PDE1C: variants seen among roughly 807,000 people sequenced by gnomAD.
PDE1C encodes the protein phosphodiesterase 1C.
In PDE1C, 62 loss-of-function variants were observed where a neutral mutation model predicts 93.1. The ratio of observed to expected loss-of-function variants is 0.67; its 90% CI spans 0.54 to 0.82. The LOEUF (loss-of-function observed/expected upper bound fraction) is 0.82. Ranked by LOEUF, PDE1C falls within the 40% of genes least tolerant of loss-of-function variation. The pLI, the probability that PDE1C is intolerant of heterozygous loss-of-function variation, is 0.00. For missense variants in PDE1C, 742 were observed against 884.6 expected (o/e 0.84, Z 2.04); for synonymous variants, 325 against 310.1 (o/e 1.05, Z -0.50).
chr7:31,667,195 A>G, the PDE1C span, among the ~76,000 whole-genome samples: 1 of 152,176 alleles, frequency 6.6e-6, no homozygotes. Context: ...CTACCCGCCT[A>G]TAGCTTTTGG....
chr7:32,013,446 G>A (rs1224776648), intron 2 of PDE1C, among the ~76,000 whole-genome samples: 1 of 152,162 alleles, frequency 6.6e-6, no homozygotes, highest in Non-Finnish European at 1.5e-5. Context: ...AAGGAGACAG[G>A]GTTATTTATA....
chr7:32,370,158 C>T (rs565011777), intron 1 of PDE1C, among the ~76,000 whole-genome samples: 9 of 152,128 alleles, frequency 5.9e-5, no homozygotes, highest in East Asian at 3.9e-4. Context: ...CCATAAAAAA[C>T]GATGAGTTCT....
At chr7:32,385,657 T>C (rs866419070) in intron 1 of PDE1C, among the ~76,000 whole-genome samples, 4 of 152,142 alleles carry the variant, frequency 2.6e-5, no homozygotes, top group African/African-American at 7.2e-5. Flanking sequence ...GAGGACATTA[T>C]GGAAAGTGCC....
intron 2 of PDE1C, among the ~76,000 whole-genome samples, chr7:32,200,044 A>G (rs550071312): frequency 6.6e-6 from 1 of 152,328 alleles, no homozygotes; most frequent in East Asian, 1.9e-4. Flanking sequence ...CCCATTACGC[A>G]TACACAAATA....
intron 2 of PDE1C, among the ~76,000 whole-genome samples, chr7:31,939,125 T>C (rs1054056140): frequency 1.3e-5 from 2 of 152,158 alleles, no homozygotes; most frequent in Non-Finnish European, 2.9e-5. Flanking sequence ...CAAAACTAGG[T>C]GGTTGGTCTA....
At chr7:32,112,944 C>A (rs1798755617) in intron 3 of PDE1C, among the ~76,000 whole-genome samples, 1 of 147,414 alleles carries the variant, frequency 6.8e-6, no homozygotes. Context: ...AGACATACTC[C>A]TCCTCTTCCC....
chr7:32,311,923 G>A lies in PDE1C; in HGVS notation c.311-102384C>T, dbSNP rs1048643897. ...TGGCCAGGGCAATTAGGCAGGAGAA[G>A]GAAATAAAGGGTATTCAATTAGGAA... On this transcript the variant is annotated intron_variant, in intron 1 of 1. Coordinates refer to the PDE1C transcript ENST00000672256. Among the ~76,000 whole-genome samples, 92 of 151,846 alleles carry A rather than the reference G, an allele frequency of 6.1e-4. 2 individuals are homozygous for A. Among genetic ancestry groups the A allele is most frequent in the Non-Finnish European group, 5.4e-4 (37 of 67,926 alleles).
chr7:32,241,024 G>A (rs962574227), intron 1 of PDE1C, among the ~76,000 whole-genome samples: 1 of 152,166 alleles, frequency 6.6e-6, no homozygotes, highest in Non-Finnish European at 1.5e-5. Context: ...CTGCAAGAAC[G>A]GAGATGCCAT....
chr7:32,394,382 A>ATCC (rs1784804510), intron 1 of PDE1C, among the ~76,000 whole-genome samples: 1 of 152,208 alleles, frequency 6.6e-6, no homozygotes, highest in Non-Finnish European at 1.5e-5. Context: ...TCTCAGGTTG[A>ATCC]TCCTCATTTT....
intron 16 of PDE1C, among the ~76,000 whole-genome samples, chr7:31,796,508 G>T (rs752598728): frequency 7.3e-5 from 11 of 151,634 alleles, no homozygotes; most frequent in Non-Finnish European, 1.0e-4. Flanking sequence ...AAAATGCATT[G>T]ATTTGAAATG....
the PDE1C span, among the ~76,000 whole-genome samples, chr7:31,675,653 G>A: frequency 7.9e-5 from 12 of 151,856 alleles, no homozygotes; most frequent in South Asian, 2.3e-3. Context: ...AATGGCAGCA[G>A]AATACCAACA....
rs1456656509 is a variant in PDE1C at position 31,847,960 on chromosome 7, A to G, written c.980+8T>C. The G allele has an allele frequency of 6.2e-7, 1 of 1,612,114 alleles. No individual in the cohort carries two copies. The highest frequency in any genetic ancestry group is 1.3e-5 in the African/African-American group (1 of 74,864). The stretch of plus-strand genomic sequence containing the variant: ...GGCCTACAAATCTCTCTCTTTTCTC[A>G]TCCTTACCTCCAGTCATCCTTTGAG... On this transcript the variant is annotated splice_region_variant and intron_variant, in intron 9 of 17. Coordinates refer to ENST00000396191, the MANE Select transcript of PDE1C (RefSeq NM_001191057.4).
rs371524361 is a variant in PDE1C, at chr7:32,297,998, C to T, written c.85+653G>A. The stretch of plus-strand genomic sequence containing the variant: ...CTCTCTCTCTCTCTCTCTCTCTCTC[C>T]TCTCTCTCTCTCTCTCTCCCTCTCT... On this transcript the variant is annotated intron_variant, in intron 1 of 18. Coordinates refer to the PDE1C transcript ENST00000396193. Among the ~76,000 whole-genome samples the T allele has an allele frequency of 3.4e-3, 26 of 7,642 alleles. 1 individual carries two copies. The highest frequency in any genetic ancestry group is 0.016 in the East Asian group (2 of 124). 5.0% of individuals were successfully genotyped at this position (7,642 alleles called of 152,430 possible).
At chr7:32,218,480 G>C (rs919600949) in intron 1 of PDE1C, among the ~76,000 whole-genome samples, 1 of 152,222 alleles carries the variant, frequency 6.6e-6, no homozygotes, top group African/African-American at 2.4e-5. Context: ...TCCCTGGCTC[G>C]TGCAGCCCAG....
At chr7:32,076,016 G>A, upstream of PDE1C, among the ~76,000 whole-genome samples, 1 of 152,112 alleles carries the variant, frequency 6.6e-6, no homozygotes, top group East Asian at 1.9e-4. Flanking sequence ...ATCAACAGAG[G>A]CATGGTTAGT....
At chr7:31,934,207 TAAG>T (rs1031418495) in intron 2 of PDE1C, among the ~76,000 whole-genome samples, 24 of 152,248 alleles carry the variant, frequency 1.6e-4, no homozygotes, top group Admixed American at 5.9e-4. Context: ...TCCTCTCACT[TAAG>T]AATAGCTTTT....
intron 2 of PDE1C, among the ~76,000 whole-genome samples, chr7:32,040,658 T>C (rs190904410): frequency 2.0e-5 from 3 of 152,334 alleles, no homozygotes; most frequent in East Asian, 1.9e-4. Flanking sequence ...TACTCTGTGA[T>C]AGTTTAAAGA....
At chr7:31,856,682 CTTTT>C (rs35316004) in intron 7 of PDE1C, among the ~76,000 whole-genome samples, 9 of 121,032 alleles carry the variant, frequency 7.4e-5, no homozygotes, top group Non-Finnish European at 9.0e-5. Context: ...ATATAAGAGG[CTTTT>C]TTTTTTTTTT....
chr7:31,698,220 A>T, the PDE1C span, among the ~76,000 whole-genome samples: 1 of 152,240 alleles, frequency 6.6e-6, no homozygotes, highest in East Asian at 1.9e-4. Context: ...AAAAATTGAA[A>T]AAACAGCTCA....
Sources: allele counts gnomAD v4.1 joint callset (sites outside exome capture counted in the v4.1 genomes callset), GRCh38; gene constraint gnomAD v4.1.1; transcripts MANE v1.5; gene names NCBI Gene and HGNC (gene_info 2026-07-23, HGNC 2026-07-21).